Variants in NAV2 observed in about 807,000 individuals in gnomAD.
NAV2 encodes the protein neuron navigator 2.
NAV2 carries 54 observed loss-of-function variants against 223.2 expected under a neutral mutation model. The observed-to-expected ratio is 0.24, with a 90% CI of 0.19 to 0.30. The LOEUF (loss-of-function observed/expected upper bound fraction) is 0.30. Ranked by LOEUF, NAV2 falls within the 10% of genes least tolerant of loss-of-function variation. The probability of loss-of-function intolerance (pLI) is 1.00; values close to 1 mark genes in which losing one functional copy is unlikely to be tolerated. For synonymous variants in NAV2, 1,279 were observed against 1,239.3 expected (o/e 1.03, Z -0.67); for missense variants, 2,806 against 3,147.5 (o/e 0.89, Z 2.60).
intron 1 of NAV2, among the ~76,000 whole-genome samples, chr11:19,670,839 T>C (rs1490629494): frequency 6.6e-6 from 1 of 152,182 alleles, no homozygotes; most frequent in African/African-American, 2.4e-5. Context: ...GGATAAATAA[T>C]GACACCCTGT....
chr11:19,843,047 C>T, intron 3 of NAV2, 124 bp downstream of exon 3: 1 of 750,018 alleles, frequency 1.3e-6, no homozygotes, highest in South Asian at 2.1e-5. Flanking sequence ...TTAATAAACT[C>T]ACAGCTATTT....
At chr11:20,050,268 C>T (rs951867049) in intron 16 of NAV2, among the ~76,000 whole-genome samples, 4 of 152,134 alleles carry the variant, frequency 2.6e-5, no homozygotes, top group African/African-American at 7.2e-5. Context: ...CCAGAAATGA[C>T]CTGCCACCCA....
chr11:19,933,432 C>A lies in NAV2; in HGVS notation c.1188C>A (p.Asn396Lys). The A allele has an allele frequency of 6.3e-7, 1 of 1,590,250 alleles. No homozygotes were observed. The highest frequency in any genetic ancestry group is 1.1e-5 in the South Asian group (1 of 88,246). ...PTPEAMKPAP[N>K]NQKSMLEKLK... is the part of the protein sequence containing the mutation. ...CTGAAGCCATGAAGCCGGCCCCCAACAATCAGAAGTCCATGCTGGAAAAGC... is the reference window on the plus strand; with the variant it reads ...CTGAAGCCATGAAGCCGGCCCCCAAAAATCAGAAGTCCATGCTGGAAAAGC... The change falls in exon 7 of 38, where the codon AAC becomes AAA. Residue 396 changes from asparagine (N) to lysine (K), a missense_variant. Coordinates refer to ENST00000349880, the MANE Select transcript of NAV2 (RefSeq NM_145117.5). The surrounding 1 kb of genome is among the most constrained non-coding windows in gnomAD (Gnocchi z 4.3).
intron 1 of NAV2, among the ~76,000 whole-genome samples, chr11:19,697,415 C>G (rs1412755974): frequency 6.6e-6 from 1 of 151,944 alleles, no homozygotes. Context: ...GCACATATAT[C>G]CTTTAATCTA....
chr11:19,560,211 A>C (rs74497782), intron 1 of NAV2, among the ~76,000 whole-genome samples: 4,433 of 152,258 alleles, frequency 0.029, 240 homozygotes, highest in African/African-American at 0.1. Context: ...AAAGAGAAAA[A>C]AAAGAGTAAG....
At chr11:19,463,908 A>G (rs11607088) in intron 1 of NAV2, among the ~76,000 whole-genome samples, 21,298 of 152,078 alleles carry the variant, frequency 0.14, 1,612 homozygotes, top group East Asian at 0.24. Flanking sequence ...GGGGACCCTC[A>G]CCATGCCCCA....
chr11:20,107,417 C>T, intron 35 of NAV2: 2 of 519,600 alleles, frequency 3.8e-6, no homozygotes, highest in Non-Finnish European at 6.9e-6. Context: ...TTAGTGATGC[C>T]ACAGTGAGCA....
intron 1 of NAV2, among the ~76,000 whole-genome samples, chr11:19,409,604 G>A (rs555020805): frequency 1.3e-5 from 2 of 152,150 alleles, no homozygotes; most frequent in African/African-American, 4.8e-5. Flanking sequence ...CTCCAAGACT[G>A]TCTGGTCTGA....
At chr11:19,618,205 C>T (rs1224790448) in intron 1 of NAV2, among the ~76,000 whole-genome samples, 1 of 152,016 alleles carries the variant, frequency 6.6e-6, no homozygotes, top group Non-Finnish European at 1.5e-5. Flanking sequence ...ATATTTGTTG[C>T]ATGGATGGAT....
chr11:19,587,166 A>C (rs1056094656), intron 1 of NAV2, among the ~76,000 whole-genome samples: 3 of 151,418 alleles, frequency 2.0e-5, no homozygotes, highest in African/African-American at 7.3e-5. Context: ...TGGGCATAGG[A>C]CCCTCCGAGC....
rs386751283 is a variant in NAV2, at chr11:19,787,266, GGATC to G, written c.268-45217_268-45214del. ...CCAACATGCCTGGCTAATTTTTATT[GGATC>G]TTTTTTTTTTTTTTTTTTTTTTTTT... On this transcript the variant is annotated intron_variant, in intron 1 of 37. Coordinates refer to ENST00000349880, the MANE Select transcript of NAV2 (RefSeq NM_145117.5). 1.8e-3 allele frequency among the ~76,000 whole-genome samples: 148 copies of G among 83,016 alleles called. 17 individuals are homozygous for G. The highest frequency in any genetic ancestry group is 6.0e-3 in the African/African-American group (118 of 19,810). 54.5% of individuals were successfully genotyped at this position (83,016 alleles called of 152,430 possible).
At chr11:19,625,656 C>T (rs539685675) in intron 1 of NAV2, among the ~76,000 whole-genome samples, 54 of 152,224 alleles carry the variant, frequency 3.5e-4, no homozygotes, top group African/African-American at 1.1e-3. Context: ...TACTAGTTTT[C>T]GTTCCCACCA....
intron 1 of NAV2, among the ~76,000 whole-genome samples, chr11:19,641,539 C>G (rs2047665590): frequency 6.6e-6 from 1 of 151,992 alleles, no homozygotes; most frequent in African/African-American, 2.4e-5. Flanking sequence ...GCCAGGCCCC[C>G]CTGAACTGAT....
intron 1 of NAV2, among the ~76,000 whole-genome samples, chr11:19,396,945 G>A (rs894644584): frequency 4.6e-5 from 7 of 152,134 alleles, no homozygotes; most frequent in East Asian, 3.9e-4. Flanking sequence ...TGTATTCACC[G>A]GAAGCCTCTT....
intron 4 of NAV2, among the ~76,000 whole-genome samples, chr11:19,879,027 C>T (rs1218589942): frequency 6.6e-6 from 1 of 152,180 alleles, no homozygotes; most frequent in African/African-American, 2.4e-5. Flanking sequence ...GTCCCTCACG[C>T]TCAGTAGCCC....
chr11:19,500,272 G>A (rs961539983), intron 1 of NAV2, among the ~76,000 whole-genome samples: 2 of 152,130 alleles, frequency 1.3e-5, no homozygotes, highest in Non-Finnish European at 2.9e-5. Context: ...TCACCCAACA[G>A]CCATTTGACC....
At chr11:19,556,798 G>C (rs1195801359) in intron 1 of NAV2, among the ~76,000 whole-genome samples, 1 of 152,176 alleles carries the variant, frequency 6.6e-6, no homozygotes, top group Non-Finnish European at 1.5e-5. Flanking sequence ...TGACAAAGTT[G>C]TCTATATAGC....
chr11:19,692,430 T>C (rs748578593), intron 1 of NAV2, among the ~76,000 whole-genome samples: 22 of 152,258 alleles, frequency 1.4e-4, no homozygotes, highest in South Asian at 2.1e-4. Flanking sequence ...GCTAAACATA[T>C]GACTTATCTG....
At chr11:19,994,871 T>C (rs967225461) in intron 11 of NAV2, among the ~76,000 whole-genome samples, 1 of 152,232 alleles carries the variant, frequency 6.6e-6, no homozygotes, top group Non-Finnish European at 1.5e-5. Flanking sequence ...GAATCATCAA[T>C]TGTAGCCCTG....
Sources: allele counts gnomAD v4.1 joint callset (sites outside exome capture counted in the v4.1 genomes callset), GRCh38; gene constraint gnomAD v4.1.1; non-coding constraint Gnocchi (gnomAD v3.1); transcripts MANE v1.5; gene names NCBI Gene and HGNC (gene_info 2026-07-23, HGNC 2026-07-21).